Variants in HECTD4 observed in about 807,000 individuals in gnomAD.
The protein encoded by HECTD4 is HECT domain E3 ubiquitin protein ligase 4.
In HECTD4, 114 loss-of-function variants were observed where a neutral mutation model predicts 471.5. The observed-to-expected ratio is 0.24, with a 90% CI of 0.21 to 0.28. HECTD4 has a LOEUF of 0.28. HECTD4 is among the 10% of genes least tolerant of loss of function. The pLI, the probability that HECTD4 is intolerant of heterozygous loss-of-function variation, is 1.00. For synonymous variants in HECTD4, 2,012 were observed against 2,256.0 expected (o/e 0.89, Z 3.07); for missense variants, 3,866 against 5,651.5 (o/e 0.68, Z 10.13).
intron 1 of HECTD4, among the ~76,000 whole-genome samples, chr12:112,376,407 C>G (rs896514669): frequency 6.6e-6 from 1 of 152,132 alleles, no homozygotes; most frequent in Non-Finnish European, 1.5e-5. Flanking sequence ...CCACCACGCC[C>G]GGCTAATTTT....
intron 14 of HECTD4, 72 bp from the exon 15 acceptor site, chr12:112,266,055 T>C: frequency 9.1e-7 from 1 of 1,101,074 alleles, no homozygotes. Context: ...TTTTAAAAAG[T>C]TTTTAAACAA....
intron 25 of HECTD4, among the ~76,000 whole-genome samples, chr12:112,248,934 T>A: frequency 6.6e-6 from 1 of 152,218 alleles, no homozygotes; most frequent in East Asian, 1.9e-4. Context: ...GATCTAAAGA[T>A]ATTAAATATT....
Position 112,251,020 on chromosome 12 carries a change from T to C in HECTD4, c.3667A>G (p.Lys1223Glu). 1 of 1,613,918 alleles carries C rather than the reference T, an allele frequency of 6.2e-7. No homozygotes were observed. Among genetic ancestry groups the C allele is most frequent in the East Asian group, 2.2e-5 (1 of 44,882 alleles). ...RILYNGPEIT[K>E]EEEACQELLR... ...AGCTCCTGACAGGCTTCTTCTTCTT[T>C]GGTAATTTCTGGTCCATTGTACAGG... The change falls in exon 24 of 76, where the codon AAA (lysine) becomes GAA (glutamate). Residue 1223 changes from lysine (K) to glutamate (E), a missense_variant. Around this residue, in one of 16 missense-constraint regions of HECTD4, gnomAD observed 281 missense variants for 499.9 expected, o/e 0.56. Transcript: ENST00000682272.
chr12:112,192,194 T>C (rs999034336), intron 59 of HECTD4, among the ~76,000 whole-genome samples: 1 of 152,110 alleles, frequency 6.6e-6, no homozygotes, highest in Non-Finnish European at 1.5e-5. Context: ...TGTTGAGAAT[T>C]TGGTTAATGA....
chr12:112,289,483 G>A (rs997182904), intron 7 of HECTD4, among the ~76,000 whole-genome samples: 2 of 152,062 alleles, frequency 1.3e-5, no homozygotes, highest in African/African-American at 4.8e-5. Flanking sequence ...GGTACCAAGA[G>A]ATCTATTTGG....
intron 60 of HECTD4, among the ~76,000 whole-genome samples, chr12:112,186,449 G>A (rs2031867017): frequency 7.6e-6 from 1 of 131,146 alleles, no homozygotes; most frequent in South Asian, 2.5e-4. Context: ...GCAATTCTCT[G>A]CCTCAGCCTC....
chr12:112,216,365 G>T lies in HECTD4; in HGVS notation c.7392C>A (p.Gly2464=), dbSNP rs369635411. ...TGGAGCCATTATAGTGCACGGCTCG[G>T]CCGTTGCTATGAAAAATACAAAGAA... ...PVGTCLFHNN[G]RAVHYNGSSL... is the part of the protein sequence containing the mutation. Residue 2464 remains glycine, a synonymous_variant, in exon 48 of 76, where the codon GGC becomes GGA. Transcript: ENST00000682272. 1.3e-6 allele frequency: 2 copies of T among 1,550,424 alleles called. No individual in the cohort carries two copies. Among genetic ancestry groups the T allele is most frequent in the African/African-American group, 2.7e-5 (2 of 73,068 alleles).
chr12:112,186,312 T>C (rs2031860016), intron 60 of HECTD4, among the ~76,000 whole-genome samples: 1 of 149,866 alleles, frequency 6.7e-6, no homozygotes, highest in Non-Finnish European at 1.5e-5. Context: ...TATTCTTTTT[T>C]TTTTTTTTTT....
At chr12:112,267,240 A>G in intron 13 of HECTD4, 2 of 449,300 alleles carry the variant, frequency 4.5e-6, no homozygotes, top group Non-Finnish European at 8.0e-6. Context: ...CATCCCCGAT[A>G]GAGGAGGACC....
intron 1 of HECTD4, among the ~76,000 whole-genome samples, chr12:112,351,789 T>C (rs1380649673): frequency 6.6e-6 from 1 of 152,254 alleles, no homozygotes; most frequent in Non-Finnish European, 1.5e-5. Context: ...CATAAGTACC[T>C]ACGTAGTAAC....
At position 112,207,958 on chromosome 12, in the gene HECTD4, C is replaced by T; in HGVS notation, c.8047G>A (p.Val2683Ile). The T allele has an allele frequency of 6.2e-7, 1 of 1,613,806 alleles. No individual in the cohort carries two copies. Among genetic ancestry groups the T allele is most frequent in the Non-Finnish European group, 8.5e-7 (1 of 1,179,812 alleles). Reference sequence around the variant, plus strand: ...AAGCGTCTTCGGATGGTAGGAAAAACCTTGGTCTCCCATGCTTTCACCAGC... The same window carrying T: ...AAGCGTCTTCGGATGGTAGGAAAAATCTTGGTCTCCCATGCTTTCACCAGC... ...ALLVKAWETK[V>I]FPTIRRRFRN... The change falls in exon 52 of 76, where the codon GTT (valine) becomes ATT (isoleucine). Residue 2683 changes from valine (V) to isoleucine (I), a missense_variant. Coordinates refer to ENST00000682272, the MANE Select transcript of HECTD4 (RefSeq NM_001388303.1).
intron 66 of HECTD4, among the ~76,000 whole-genome samples, chr12:112,175,491 T>C (rs550336525): frequency 6.6e-6 from 1 of 152,340 alleles, no homozygotes; most frequent in South Asian, 2.1e-4. Context: ...GTGTGTGGTG[T>C]CCTGTCACGG....
Position 112,264,186 on chromosome 12 carries a change from CAGAT to C in HECTD4, c.2642_2645del (p.Tyr881Ter). On this transcript the variant is annotated frameshift_variant, in exon 17 of 76. Transcript: ENST00000682272. LOFTEE classifies it high-confidence loss of function. ...TGAGAAGGTGATTCTGAACTGCCAT[CAGAT>C]AGCGCAGGCAGGAGGATGCAGCCTT... The C allele has an allele frequency of 6.2e-7, 1 of 1,602,544 alleles. No individual in the cohort carries two copies. The highest frequency in any genetic ancestry group is 8.5e-7 in the Non-Finnish European group (1 of 1,174,326).
intron 1 of HECTD4, among the ~76,000 whole-genome samples, chr12:112,358,957 C>G (rs1271166649): frequency 6.6e-6 from 1 of 152,070 alleles, no homozygotes; most frequent in African/African-American, 2.4e-5. Flanking sequence ...AGGTAGATCA[C>G]GAGGTCAGGA....
At chr12:112,300,085 G>A (rs375754454) in intron 7 of HECTD4, among the ~76,000 whole-genome samples, 3 of 152,196 alleles carry the variant, frequency 2.0e-5, no homozygotes, top group African/African-American at 7.2e-5. Flanking sequence ...GGAGGCCAAG[G>A]GGGTGGATCA....
rs1359945550 is a variant in HECTD4, at chr12:112,239,297, C to T, written c.5106-61G>A. ...AACTGACCGACACTCAGGAAACTCT[C>T]ATGTGAGGTTCAAAGGGGCATAAAA... On this transcript the variant is annotated intron_variant, in intron 33 of 75. Coordinates refer to ENST00000682272, the MANE Select transcript of HECTD4 (RefSeq NM_001388303.1). This position sits in a 1 kb window ranked among gnomAD's most constrained non-coding sequence, Gnocchi z 4.9. 6.8e-7 allele frequency: 1 copy of T among 1,462,624 alleles called. No homozygotes were observed. The highest frequency in any genetic ancestry group is 9.2e-7 in the Non-Finnish European group (1 of 1,083,882). 90.6% of individuals were successfully genotyped at this position (1,462,624 alleles called of 1,614,324 possible). A position where few individuals can be genotyped will look rare whatever the true frequency, so the allele number is the denominator to read the frequency against.
At chr12:112,313,401 A>T (rs1282565150) in intron 3 of HECTD4, among the ~76,000 whole-genome samples, 7 of 145,458 alleles carry the variant, frequency 4.8e-5, no homozygotes, top group Non-Finnish European at 1.5e-5. Context: ...TGAAACCTCC[A>T]CCTCCTGGGT....
chr12:112,360,619 A>G (rs1016845770), intron 1 of HECTD4, among the ~76,000 whole-genome samples: 6 of 152,206 alleles, frequency 3.9e-5, no homozygotes, highest in Admixed American at 2.6e-4. Flanking sequence ...TTTTAAATTC[A>G]ATCTAGGGAA....
rs1162491766 is a variant in HECTD4 at position 112,171,214 on chromosome 12, G to A, written c.11835C>T (p.Leu3945=). The A allele has an allele frequency of 1.2e-6, 2 of 1,612,614 alleles. No individual in the cohort carries two copies. The highest frequency in any genetic ancestry group is 2.7e-5 in the African/African-American group (2 of 74,938). The change falls in exon 68 of 76, where the codon CTC becomes CTT. Residue 3945 remains leucine, a synonymous_variant. Transcript: ENST00000682272. The stretch of plus-strand genomic sequence containing the variant: ...GGAAGAAGGTCTCCAGTGTGGTGTT[G>A]AGGGACTGCAGCAAGGCGAAGCGCA... ...LRLRFALLQS[L]NTTLETFFLP...
Sources: allele counts gnomAD v4.1 joint callset (sites outside exome capture counted in the v4.1 genomes callset), GRCh38; gene constraint gnomAD v4.1.1; regional missense constraint gnomAD v4.1.1; non-coding constraint Gnocchi (gnomAD v3.1); transcripts MANE v1.5; gene names NCBI Gene and HGNC (gene_info 2026-07-23, HGNC 2026-07-21).